AOX1: variants seen among roughly 807,000 people sequenced by gnomAD.
The protein encoded by AOX1 is aldehyde oxidase 1.
Under a neutral mutation model 169.5 loss-of-function variants are expected in AOX1, and 153 were observed. The observed-to-expected ratio is 0.90, with a 90% confidence interval of 0.79 to 1.03. The LOEUF is 1.03. Among genes scored for constraint, AOX1 ranks in the 50% least tolerant of loss-of-function variants. The pLI, the probability that AOX1 is intolerant of heterozygous loss-of-function variation, is 0.00. For synonymous variants in AOX1, 562 were observed against 581.9 expected (o/e 0.97, Z 0.49); for missense variants, 1,656 against 1,663.9 (o/e 1.00, Z 0.08).
chr2:200,636,117 C>CTTTTT lies in AOX1; in HGVS notation c.2347-769_2347-765dup, dbSNP rs765127387. 9.1e-4 allele frequency among the ~76,000 whole-genome samples: 49 copies of CTTTTT among 53,974 alleles called. 11 individuals are homozygous for CTTTTT. Among genetic ancestry groups the CTTTTT allele is most frequent in the African/African-American group, 2.0e-3 (25 of 12,542 alleles). 35.4% of individuals were successfully genotyped at this position (53,974 alleles called of 152,430 possible). A position where few individuals can be genotyped will look rare whatever the true frequency, so the allele number is the denominator to read the frequency against. ...CAATCCAAGCAAGAAGTGAGAAGTG[C>CTTTTT]TTTTTTTTTTTTTTTTTTTTTTTTT... On this transcript the variant is annotated intron_variant, in intron 21 of 34. Transcript: ENST00000374700.
intron 23 of AOX1, among the ~76,000 whole-genome samples, chr2:200,640,423 A>G (rs1006827567): frequency 1.3e-5 from 2 of 152,208 alleles, no homozygotes; most frequent in African/African-American, 4.8e-5. Context: ...TGATGCATTC[A>G]GACATGAAGC....
At chr2:200,638,060 A>G in intron 22 of AOX1, 155 bp from the exon 23 acceptor site, 1 of 614,088 alleles carries the variant, frequency 1.6e-6, no homozygotes, top group Non-Finnish European at 2.9e-6. Context: ...CCCACGGTGT[A>G]TGCCTGAGAT....
rs1198716001 is a variant in AOX1, at chr2:200,597,400, T to C, written c.204T>C (p.His68=). The change falls in exon 4 of 35, where the codon CAT becomes CAC. Residue 68 remains histidine (H), a synonymous_variant. Coordinates refer to ENST00000374700, the MANE Select transcript of AOX1 (RefSeq NM_001159.4). ...GCTTTTCTTTTGCATTCTGAAGGCA[T>C]CACCCAGCCAATGCCTGTCTGATTC... ...RYNPITKRIR[H]HPANACLIPI... 16 of 1,602,612 alleles carry C rather than the reference T, an allele frequency of 1.0e-5. No homozygotes were observed. Among genetic ancestry groups the C allele is most frequent in the Non-Finnish European group, 1.4e-5 (16 of 1,174,114 alleles).
chr2:200,599,812 T>G, intron 5 of AOX1, 66 bp downstream of exon 5: 1,342 of 926,922 alleles, frequency 1.4e-3, no homozygotes, highest in Non-Finnish European at 1.8e-3. Context: ...TGAGACGGAA[T>G]CTCACTCTGT....
rs189909477 is a variant in AOX1 at position 200,625,613 on chromosome 2, T to C, written c.2124+1630T>C. Among the ~76,000 whole-genome samples, 18 of 152,344 alleles carry C rather than the reference T, an allele frequency of 1.2e-4. 1 individual carries two copies. The highest frequency in any genetic ancestry group is 3.4e-4 in the African/African-American group (14 of 41,590). ...AATCAAAGTTTAGAGCAGGGAAATA[T>C]GCCCCTCTCCCTATACATTACAGTT... On this transcript the variant is annotated intron_variant, in intron 19 of 34. Transcript: ENST00000374700.
intron 9 of AOX1, among the ~76,000 whole-genome samples, chr2:200,605,043 T>C (rs2034486805): frequency 6.6e-6 from 1 of 152,200 alleles, no homozygotes; most frequent in African/African-American, 2.4e-5. Context: ...TCTTGCCTCT[T>C]ATTGGAGCAG....
chr2:200,619,622 G>A (rs2034840250), intron 16 of AOX1, among the ~76,000 whole-genome samples: 1 of 152,142 alleles, frequency 6.6e-6, no homozygotes. Flanking sequence ...AAACACCAGG[G>A]CAGACATTGT....
intron 2 of AOX1, among the ~76,000 whole-genome samples, chr2:200,594,709 AG>A (rs1290258386): frequency 2.4e-4 from 36 of 152,318 alleles, no homozygotes; most frequent in African/African-American, 8.4e-4. Flanking sequence ...CTAGCTGCAG[AG>A]GAGTCTGGGA....
chr2:200,650,829 C>T, intron 25 of AOX1, 145 bp from the exon 26 acceptor site: 1 of 653,336 alleles, frequency 1.5e-6, no homozygotes. Context: ...CAATGTTGTG[C>T]ATTAGGAAAG....
chr2:200,680,186 AAT>A (rs2036140463), downstream of AOX1, among the ~76,000 whole-genome samples: 1 of 152,222 alleles, frequency 6.6e-6, no homozygotes, highest in East Asian at 1.9e-4. Flanking sequence ...AGCCAGAAAG[AAT>A]AGTTTTGTGA....
chr2:200,593,061 G>A (rs1466159940), intron 1 of AOX1, 85 bp from the exon 2 acceptor site: 3 of 1,037,696 alleles, frequency 2.9e-6, no homozygotes, highest in Non-Finnish European at 4.5e-6. Flanking sequence ...TAATTAACAT[G>A]CATTTCCCTC....
Position 200,642,662 on chromosome 2 carries a change from T to A in AOX1, c.2708T>A (p.Leu903His), listed in dbSNP as rs1454020088. 1 of 1,614,138 alleles carries A rather than the reference T, an allele frequency of 6.2e-7. No individual in the cohort carries two copies. Residue 903 changes from leucine (L) to histidine (H), a missense_variant, in exon 25 of 35, where the codon CTC becomes CAC. Physicochemically the swap from Leu to His is moderately conservative, Grantham distance 99. Coordinates refer to ENST00000374700, the MANE Select transcript of AOX1 (RefSeq NM_001159.4). ...GACAATGCTTACAAGTTTCCCAATC[T>A]CCGCTGCCGGGGTTGGGCATGCAGA... is the stretch of plus-strand genomic sequence containing the variant. Reference protein sequence around the residue: ...KMDNAYKFPNLRCRGWACRTN... With the variant: ...KMDNAYKFPNHRCRGWACRTN...
At position 200,641,089 on chromosome 2, in the gene AOX1, C is replaced by T. The variant is rs750485190; in HGVS notation, c.2569-9C>T. ...TGTTCCAGCATTCGATATCGGTTCT[C>T]TTCCCCAGGCTGGATTCATGAACGA... On this transcript the variant is annotated splice_polypyrimidine_tract_variant and intron_variant, in intron 23 of 34. Coordinates refer to ENST00000374700, the MANE Select transcript of AOX1 (RefSeq NM_001159.4). The T allele has an allele frequency of 1.2e-5, 20 of 1,611,336 alleles. No individual in the cohort carries two copies. The highest frequency in any genetic ancestry group is 3.3e-4 in the Middle Eastern group (2 of 6,052).
At chr2:200,676,105 C>G (rs751321950), downstream of AOX1, among the ~76,000 whole-genome samples, 1 of 151,902 alleles carries the variant, frequency 6.6e-6, no homozygotes, top group Non-Finnish European at 1.5e-5. Flanking sequence ...GAAGTAAACA[C>G]TGGGATAGAG....
chr2:200,632,633 T>TAA (rs34032166), intron 20 of AOX1, among the ~76,000 whole-genome samples: 18,033 of 150,286 alleles, frequency 0.12, 1,210 homozygotes, highest in Non-Finnish European at 0.16. Context: ...TTTCTTCATT[T>TAA]AAAAAAAAAA....
exon 5 of AOX1, chr2:200,676,942 T>C: frequency 4.2e-6 from 2 of 470,690 alleles, no homozygotes; most frequent in South Asian, 3.1e-5. Flanking sequence ...CTTCACAAGA[T>C]TCAGCCAATG....
rs751157322 is a variant in AOX1, at chr2:200,669,626, C to T, written c.3850C>T (p.His1284Tyr). The change falls in exon 34 of 35, where the codon CAT becomes TAT. Residue 1284 changes from histidine to tyrosine, a missense_variant. Coordinates refer to ENST00000374700, the MANE Select transcript of AOX1 (RefSeq NM_001159.4). ...GGGGTGTTCCGTGTTTTTCGCTATC[C>T]ATGACGCAGTGAGTGCAGCACGACA... is the stretch of plus-strand genomic sequence containing the variant. ...FLGCSVFFAIHDAVSAARQER... is the reference protein window; with the variant it reads ...FLGCSVFFAIYDAVSAARQER... 6.2e-7 allele frequency: 1 copy of T among 1,613,738 alleles called. No individual in the cohort carries two copies. Among genetic ancestry groups the T allele is most frequent in the Non-Finnish European group, 8.5e-7 (1 of 1,179,986 alleles).
intron 21 of AOX1, 139 bp from the exon 22 acceptor site, chr2:200,636,772 C>A: frequency 2.1e-6 from 2 of 962,992 alleles, no homozygotes; most frequent in Non-Finnish European, 3.0e-6. Context: ...AGAATCAAAA[C>A]ATCTAGTGAC....
intron 10 of AOX1, among the ~76,000 whole-genome samples, chr2:200,606,063 C>T (rs2034508112): frequency 6.6e-6 from 1 of 152,134 alleles, no homozygotes; most frequent in Non-Finnish European, 1.5e-5. Flanking sequence ...TTTGCCCATG[C>T]CTATGTCCTG....
Sources: gnomAD v4.1 joint callset for allele counts (sites outside exome capture counted in the v4.1 genomes callset) on GRCh38, gnomAD v4.1.1 for gene constraint, MANE v1.5 for transcripts, NCBI Gene and HGNC (gene_info 2026-07-23, HGNC 2026-07-21) for gene names.